Variants in NAALADL2 observed in about 807,000 individuals in gnomAD.
The protein encoded by NAALADL2 is inactive N-acetylated-alpha-linked acidic dipeptidase-like protein 2.
In NAALADL2, 76 loss-of-function variants were observed where a neutral mutation model predicts 87.2. The observed-to-expected ratio is 0.87, with a 90% CI of 0.72 to 1.05. NAALADL2 has a LOEUF of 1.05. NAALADL2 is among the 50% of genes least tolerant of loss of function. The pLI is 0.00. For missense variants in NAALADL2, 1,089 were observed against 945.8 expected (o/e 1.15, Z -1.99); for synonymous variants, 354 against 331.0 (o/e 1.07, Z -0.75).
upstream of NAALADL2, among the ~76,000 whole-genome samples, chr3:174,858,442 G>C (rs576461505): frequency 1.3e-5 from 2 of 151,998 alleles, no homozygotes; most frequent in Admixed American, 1.3e-4. Context: ...TTTTTGTTGA[G>C]TCACAACAGT....
At chr3:175,672,495 T>C (rs1273721158) in intron 11 of NAALADL2, among the ~76,000 whole-genome samples, 1 of 152,150 alleles carries the variant, frequency 6.6e-6, no homozygotes, top group African/African-American at 2.4e-5. Flanking sequence ...AGGATGTTTG[T>C]TTTGTTTGGT....
intron 11 of NAALADL2, among the ~76,000 whole-genome samples, chr3:175,711,994 G>C (rs772272755): frequency 6.6e-6 from 1 of 151,734 alleles, no homozygotes; most frequent in Admixed American, 6.6e-5. Context: ...TTCAAAAGTT[G>C]CACTATCCAT....
At chr3:174,585,738 G>A (rs973492317) in intron 2 of NAALADL2, among the ~76,000 whole-genome samples, 2 of 151,920 alleles carry the variant, frequency 1.3e-5, no homozygotes, top group African/African-American at 2.4e-5. Flanking sequence ...ATAAGCAAAA[G>A]CAATATTAAT....
chr3:175,624,600 G>A (rs531070598), intron 10 of NAALADL2, among the ~76,000 whole-genome samples: 5 of 151,986 alleles, frequency 3.3e-5, no homozygotes, highest in South Asian at 4.1e-4. Context: ...TAAAAAGTGT[G>A]ATGTAACAAA....
intron 10 of NAALADL2, among the ~76,000 whole-genome samples, chr3:175,580,689 T>C (rs1465164366): frequency 2.6e-5 from 4 of 152,208 alleles, no homozygotes; most frequent in African/African-American, 9.6e-5. Flanking sequence ...GTGCCAGTTG[T>C]AAACAAGATG....
chr3:175,535,497 T>C (rs1449901916), intron 9 of NAALADL2, among the ~76,000 whole-genome samples: 1 of 152,170 alleles, frequency 6.6e-6, no homozygotes, highest in African/African-American at 2.4e-5. Flanking sequence ...GGCCCTAGTT[T>C]ACATGGCCTA....
At chr3:175,706,324 A>G (rs977295667) in intron 11 of NAALADL2, among the ~76,000 whole-genome samples, 3 of 152,128 alleles carry the variant, frequency 2.0e-5, no homozygotes, top group Non-Finnish European at 2.9e-5. Context: ...TCTAAATATA[A>G]TGTTTTTTCT....
chr3:175,582,478 T>C (rs1248066773), intron 10 of NAALADL2, among the ~76,000 whole-genome samples: 1 of 152,208 alleles, frequency 6.6e-6, no homozygotes, highest in African/African-American at 2.4e-5. Context: ...ATCTTTGTTA[T>C]GATGAAAGGA....
intron 1 of NAALADL2, among the ~76,000 whole-genome samples, chr3:174,952,688 G>T (rs1325735004): frequency 6.6e-6 from 1 of 152,070 alleles, no homozygotes; most frequent in Non-Finnish European, 1.5e-5. Flanking sequence ...GTAACCCATG[G>T]AAATTAATGT....
intron 3 of NAALADL2, among the ~76,000 whole-genome samples, chr3:175,238,208 A>G (rs144430966): frequency 2.6e-5 from 4 of 152,288 alleles, no homozygotes; most frequent in Admixed American, 6.5e-5. Context: ...CCAAATATGC[A>G]TAGTTCTAAG....
chr3:175,687,943 T>C (rs1382597587), intron 11 of NAALADL2, among the ~76,000 whole-genome samples: 1 of 152,062 alleles, frequency 6.6e-6, no homozygotes, highest in Non-Finnish European at 1.5e-5. Context: ...GGATCACACT[T>C]CTTGTACACC....
chr3:175,667,088 A>C (rs113680841), intron 11 of NAALADL2, among the ~76,000 whole-genome samples: 3,014 of 149,914 alleles, frequency 0.02, 119 homozygotes, highest in African/African-American at 0.072. Flanking sequence ...CTGTGCTGGC[A>C]AGAAAGAAAG....
At chr3:175,799,744 T>G (rs941566830) in intron 13 of NAALADL2, among the ~76,000 whole-genome samples, 1 of 152,188 alleles carries the variant, frequency 6.6e-6, no homozygotes, top group Non-Finnish European at 1.5e-5. Flanking sequence ...TTAAGTCATT[T>G]TGAGATATCA....
chr3:174,584,161 G>T (rs969807040), intron 2 of NAALADL2, among the ~76,000 whole-genome samples: 2 of 152,116 alleles, frequency 1.3e-5, no homozygotes, highest in African/African-American at 2.4e-5. Flanking sequence ...AGAATGACTG[G>T]TAAAGGGGTT....
intron 5 of NAALADL2, among the ~76,000 whole-genome samples, chr3:175,325,080 G>A (rs553388458): frequency 6.6e-6 from 1 of 152,240 alleles, no homozygotes; most frequent in East Asian, 1.9e-4. Flanking sequence ...CATTAACCGT[G>A]ACAGTTCAGT....
intron 9 of NAALADL2, among the ~76,000 whole-genome samples, chr3:175,505,266 G>GAA (rs11295985): frequency 5.4e-5 from 7 of 130,270 alleles, no homozygotes; most frequent in Non-Finnish European, 6.8e-5. Flanking sequence ...CCTGTCTCGA[G>GAA]AAAAAAAAAA....
At chr3:174,611,421 T>A (rs1719865451) in intron 2 of NAALADL2, among the ~76,000 whole-genome samples, 1 of 152,214 alleles carries the variant, frequency 6.6e-6, no homozygotes, top group Non-Finnish European at 1.5e-5. Context: ...TTATATCTTA[T>A]TGTACAGTCT....
At position 175,449,230 on chromosome 3, in the gene NAALADL2, C is replaced by T. The variant is rs1020972389; in HGVS notation, c.1234+1858C>T. 2.8e-4 allele frequency among the ~76,000 whole-genome samples: 42 copies of T among 152,114 alleles called. 1 individual carries two copies. Among genetic ancestry groups the T allele is most frequent in the African/African-American group, 8.9e-4 (37 of 41,496 alleles). ...AGTAGCTAGGGCTACAGGCACATGA[C>T]ACTACACCCAGCTAACTTTTAAATC... is the stretch of plus-strand genomic sequence containing the variant. On this transcript the variant is annotated intron_variant, in intron 6 of 13. Coordinates refer to ENST00000454872, the MANE Select transcript of NAALADL2 (RefSeq NM_207015.3).
chr3:174,524,876 C>T (rs952027294), intron 1 of NAALADL2, among the ~76,000 whole-genome samples: 1 of 152,090 alleles, frequency 6.6e-6, no homozygotes, highest in Non-Finnish European at 1.5e-5. Flanking sequence ...TTCCTATTGC[C>T]TAGTAAAGTT....
Sources: gnomAD v4.1 joint callset for allele counts (sites outside exome capture counted in the v4.1 genomes callset) on GRCh38, gnomAD v4.1.1 for gene constraint, MANE v1.5 for transcripts, NCBI Gene and HGNC (gene_info 2026-07-23, HGNC 2026-07-21) for gene names.